Variants in VEPH1 observed in about 807,000 individuals in gnomAD.
The protein encoded by VEPH1 is ventricular zone-expressed PH domain-containing protein homolog 1.
VEPH1 carries 80 observed loss-of-function variants against 85.2 expected under a neutral mutation model. The ratio of observed to expected loss-of-function variants is 0.94; its 90% CI spans 0.78 to 1.13. The LOEUF (loss-of-function observed/expected upper bound fraction) is 1.13. VEPH1 is among the 50% of genes most tolerant of loss of function. VEPH1 has a pLI of 0.00. For missense variants in VEPH1, 955 were observed against 980.5 expected (o/e 0.97, Z 0.35); for synonymous variants, 297 against 348.0 (o/e 0.85, Z 1.63).
chr3:157,497,699 C>T (rs1436303634), intron 1 of VEPH1, among the ~76,000 whole-genome samples: 4 of 152,094 alleles, frequency 2.6e-5, no homozygotes, highest in Non-Finnish European at 5.9e-5. Context: ...AGAGGAGCAC[C>T]CCCAGGCTTT....
At chr3:157,331,661 TAC>T (rs1399206076) in intron 9 of VEPH1, among the ~76,000 whole-genome samples, 1 of 152,218 alleles carries the variant, frequency 6.6e-6, no homozygotes, top group African/African-American at 2.4e-5. Flanking sequence ...GAGAGAGAAT[TAC>T]ACTTCTTGCA....
At chr3:157,389,688 T>C (rs201900593) in intron 6 of VEPH1, among the ~76,000 whole-genome samples, 2 of 110,166 alleles carry the variant, frequency 1.8e-5, no homozygotes, top group East Asian at 5.3e-4. Context: ...GATAGATAGA[T>C]AGATAGAAAT....
intron 9 of VEPH1, among the ~76,000 whole-genome samples, chr3:157,328,063 G>A (rs1448751545): frequency 6.6e-6 from 1 of 152,138 alleles, no homozygotes; most frequent in African/African-American, 2.4e-5. Flanking sequence ...TGGCTCAATT[G>A]GGAACACTAA....
upstream of VEPH1, chr3:157,503,573 C>A (rs1740274172): frequency 6.6e-6 from 1 of 152,210 alleles, no homozygotes; most frequent in Non-Finnish European, 1.5e-5. Context: ...ACTAGATTTA[C>A]AGATTTCTCT....
At chr3:157,491,350 A>G (rs1739196692) in intron 2 of VEPH1, among the ~76,000 whole-genome samples, 1 of 152,136 alleles carries the variant, frequency 6.6e-6, no homozygotes, top group East Asian at 1.9e-4. Flanking sequence ...GGATGAGACA[A>G]TCTCTCTTGG....
chr3:157,403,624 C>T (rs1362427343), intron 6 of VEPH1, among the ~76,000 whole-genome samples: 1 of 152,102 alleles, frequency 6.6e-6, no homozygotes, highest in Non-Finnish European at 1.5e-5. Context: ...GCCTTGCATA[C>T]AGCAGGTGTG....
chr3:157,299,134 AT>A (rs1191873659), intron 11 of VEPH1, among the ~76,000 whole-genome samples: 1 of 152,208 alleles, frequency 6.6e-6, no homozygotes, highest in Non-Finnish European at 1.5e-5. Flanking sequence ...CAAGAAAATA[AT>A]GCTCATTACT....
intron 7 of VEPH1, among the ~76,000 whole-genome samples, chr3:157,372,097 G>C (rs1247548708): frequency 2.0e-5 from 3 of 152,152 alleles, no homozygotes; most frequent in South Asian, 2.1e-4. Context: ...TTATCGTCTG[G>C]GCACAGGAGC....
chr3:157,370,451 G>A (rs574931614), intron 7 of VEPH1, among the ~76,000 whole-genome samples: 2 of 152,330 alleles, frequency 1.3e-5, no homozygotes, highest in Admixed American at 1.3e-4. Flanking sequence ...ATCCACATTG[G>A]AGTCCTGAAT....
intron 13 of VEPH1, among the ~76,000 whole-genome samples, chr3:157,264,446 T>C (rs73154682): frequency 0.21 from 32,492 of 152,152 alleles, 4,377 homozygotes; most frequent in Admixed American, 0.41. Context: ...GTAAATCTCG[T>C]ATATGTCTTT....
chr3:157,296,709 G>A (rs1369911501), intron 11 of VEPH1, among the ~76,000 whole-genome samples: 1 of 152,236 alleles, frequency 6.6e-6, no homozygotes, highest in African/African-American at 2.4e-5. Context: ...AAGTGACAGA[G>A]AGGATACTTA....
intron 6 of VEPH1, chr3:157,413,617 C>G: frequency 1.0e-6 from 1 of 985,368 alleles, no homozygotes; most frequent in Non-Finnish European, 1.2e-6. Flanking sequence ...CCTAAACCTT[C>G]CACATAACCC....
intron 4 of VEPH1, among the ~76,000 whole-genome samples, chr3:157,456,072 T>G (rs543494718): frequency 1.3e-5 from 2 of 152,332 alleles, no homozygotes; most frequent in African/African-American, 4.8e-5. Context: ...AATAATACAC[T>G]GTTGTGAGAT....
At chr3:157,311,524 T>A (rs1226214324) in intron 11 of VEPH1, among the ~76,000 whole-genome samples, 1 of 152,232 alleles carries the variant, frequency 6.6e-6, no homozygotes, top group African/African-American at 2.4e-5. Context: ...TGCCACATAA[T>A]GTACATTGCA....
Position 157,363,501 on chromosome 3 carries a change from G to T in VEPH1, c.1598C>A (p.Thr533Asn). The T allele has an allele frequency of 1.2e-6, 2 of 1,614,058 alleles. No homozygotes were observed. Among genetic ancestry groups the T allele is most frequent in the Non-Finnish European group, 1.7e-6 (2 of 1,179,994 alleles). ...TATAGGACTTGCAGTTGTCTCTGGA[G>T]TTTCTTCCTGGGAGTTTTCTTTAAC... ...ETVKENSQEE[T>N]PETTASPIEY... Residue 533 changes from threonine (T) to asparagine (N), a missense_variant, in exon 9 of 14, where the codon ACT (threonine) becomes AAT (asparagine). Coordinates refer to ENST00000362010, the MANE Select transcript of VEPH1 (RefSeq NM_001167912.2).
At chr3:157,426,285 C>T in intron 5 of VEPH1, among the ~76,000 whole-genome samples, 1 of 152,176 alleles carries the variant, frequency 6.6e-6, no homozygotes, top group Non-Finnish European at 1.5e-5. Flanking sequence ...GTAGAGCATG[C>T]ATCCAAAACA....
At position 157,350,010 on chromosome 3, in the gene VEPH1, G is replaced by GA. The variant is rs534358207; in HGVS notation, c.1735+13353dup. On this transcript the variant is annotated intron_variant, in intron 9 of 13. Coordinates refer to ENST00000362010, the MANE Select transcript of VEPH1 (RefSeq NM_001167912.2). ...GCCTATGACATTCTTCACATAAATA[G>GA]AAAAAAAATCCTAGACTTTGCATGG... is the stretch of plus-strand genomic sequence containing the variant. 9.8e-4 allele frequency among the ~76,000 whole-genome samples: 148 copies of GA among 151,766 alleles called. 2 individuals are homozygous for GA. In the South Asian group the frequency reaches 0.015, roughly 15 times the overall value.
chr3:157,420,176 T>A (rs952043232), intron 5 of VEPH1, among the ~76,000 whole-genome samples: 1 of 151,562 alleles, frequency 6.6e-6, no homozygotes, highest in Non-Finnish European at 1.5e-5. Context: ...CTGGGACCTG[T>A]TGGGGGGCTG....
At chr3:157,333,971 C>T (rs1344138288) in intron 9 of VEPH1, among the ~76,000 whole-genome samples, 2 of 152,124 alleles carry the variant, frequency 1.3e-5, no homozygotes, top group East Asian at 3.8e-4. Context: ...CACCATCAGG[C>T]ATCAGAAGAA....
Sources: allele counts gnomAD v4.1 joint callset (sites outside exome capture counted in the v4.1 genomes callset), GRCh38; gene constraint gnomAD v4.1.1; transcripts MANE v1.5; gene names NCBI Gene and HGNC (gene_info 2026-07-23, HGNC 2026-07-21).